Variants in NHSL1 observed in about 807,000 individuals in gnomAD.
The protein encoded by NHSL1 is NHS like 1, also known as NHS-like protein 1.
A neutral mutation model predicts 95.0 loss-of-function variants in NHSL1; 48 were observed. That is an observed-to-expected ratio of 0.51 (90% CI 0.40 to 0.64). NHSL1 has a LOEUF of 0.64. NHSL1 is among the 30% of genes least tolerant of loss of function. The pLI, the probability that NHSL1 is intolerant of heterozygous loss-of-function variation, is 0.00. For missense variants in NHSL1, 1,971 were observed against 2,077.7 expected, an observed-to-expected ratio of 0.95 and a Z score of 1.00; for synonymous variants, 783 against 833.9, an observed-to-expected ratio of 0.94 and a Z score of 1.05.
intron 2 of NHSL1, among the ~76,000 whole-genome samples, chr6:138,475,774 C>G (rs978274967): frequency 1.3e-5 from 2 of 151,558 alleles, no homozygotes; most frequent in African/African-American, 4.9e-5. Context: ...GGCAAAACCC[C>G]GTCTCTACTA....
chr6:138,549,458 G>A (rs1782922903), upstream of NHSL1, among the ~76,000 whole-genome samples: 1 of 152,130 alleles, frequency 6.6e-6, no homozygotes, highest in Admixed American at 6.5e-5. Flanking sequence ...CAGACTGGAG[G>A]GATGCTGTCA....
chr6:138,506,165 T>C (rs1224990398), intron 1 of NHSL1, among the ~76,000 whole-genome samples: 1 of 152,168 alleles, frequency 6.6e-6, no homozygotes, highest in African/African-American at 2.4e-5. Context: ...ATCTACTTAA[T>C]AAACATTCAT....
At chr6:138,681,004 AAG>A (rs1785504956) in intron 1 of NHSL1, among the ~76,000 whole-genome samples, 1 of 152,256 alleles carries the variant, frequency 6.6e-6, no homozygotes, top group Non-Finnish European at 1.5e-5. Flanking sequence ...TAAAAAAATT[AAG>A]AGTTAACAAT....
chr6:138,499,300 A>G lies in NHSL1; in HGVS notation c.-10T>C, dbSNP rs199536996. On this transcript the variant is annotated 5_prime_UTR_variant, in exon 1 of 8. Coordinates refer to ENST00000343505, the MANE Select transcript of NHSL1 (RefSeq NM_001144060.2). ...TAATGAAGACCACCATTTCCAGGGC[A>G]CCTACATAGAGCTTAGAAATGTAAA... 728 of 1,550,586 alleles carry G rather than the reference A, an allele frequency of 4.7e-4. 6 individuals carry two copies. Among genetic ancestry groups the G allele is most frequent in the Non-Finnish European group, 8.5e-5 (97 of 1,146,272 alleles).
chr6:138,449,447 C>T (rs1014947119), intron 3 of NHSL1, among the ~76,000 whole-genome samples: 5 of 152,018 alleles, frequency 3.3e-5, no homozygotes, highest in Admixed American at 1.3e-4. Flanking sequence ...GAGGCTGAGG[C>T]GGGCAGATCA....
At chr6:138,669,554 ACATTCCTAGCCACGAGTGGCCACCCTTCC>A (rs1785337918) in intron 1 of NHSL1, among the ~76,000 whole-genome samples, 1 of 152,202 alleles carries the variant, frequency 6.6e-6, no homozygotes, top group Admixed American at 6.5e-5. Flanking sequence ...TCTCCTGACC[ACATTCCTAGCCACGAGTGGCCACCCTTCC>A]CATCCTGGCA....
At position 138,510,598 on chromosome 6, in the gene NHSL1, A is replaced by C. The variant is rs1781175179; in HGVS notation, c.17-14227T>G. On this transcript the variant is annotated intron_variant, in intron 1 of 4. Coordinates refer to the NHSL1 transcript ENST00000342260. ...GAATTAATGGCAGAAGTGAGGCATA[A>C]GAGCAAAGAAGCTCAGCCTGACCTA... is the stretch of plus-strand genomic sequence containing the variant. 2.0e-5 allele frequency among the ~76,000 whole-genome samples: 3 copies of C among 152,244 alleles called. No homozygotes were observed. In the South Asian group the frequency reaches 6.2e-4, roughly 32 times the overall value.
At chr6:138,667,080 T>C (rs760412788) in intron 1 of NHSL1, among the ~76,000 whole-genome samples, 4 of 152,230 alleles carry the variant, frequency 2.6e-5, no homozygotes, top group Non-Finnish European at 5.9e-5. Flanking sequence ...AATGTCCAAT[T>C]GCATCTTTCC....
rs189638457 is a variant in NHSL1, at chr6:138,611,671, G to C, written c.96+80805C>G. ...TGAGGCAGGAGAATGGCGTGAACCC[G>C]GGAGGCGGAGCTTGCAGTGAGCTGA... is the stretch of plus-strand genomic sequence containing the variant. On this transcript the variant is annotated intron_variant, in intron 1 of 3. Coordinates refer to the NHSL1 transcript ENST00000491526. Among the ~76,000 whole-genome samples the C allele has an allele frequency of 9.8e-3, 1,495 of 152,032 alleles. 26 individuals are homozygous for C. Among genetic ancestry groups the C allele is most frequent in the African/African-American group, 0.033 (1,382 of 41,468 alleles).
intron 1 of NHSL1, among the ~76,000 whole-genome samples, chr6:138,690,648 G>C (rs1785653647): frequency 1.3e-5 from 2 of 152,174 alleles, no homozygotes; most frequent in Non-Finnish European, 2.9e-5. Context: ...GGCTGAGGCA[G>C]GAGGATTGCT....
At chr6:138,657,111 A>C (rs1249552039) in intron 1 of NHSL1, among the ~76,000 whole-genome samples, 1 of 147,720 alleles carries the variant, frequency 6.8e-6, no homozygotes, top group Non-Finnish European at 1.5e-5. Flanking sequence ...CACCTGCAAC[A>C]AAAAAAAAAC....
chr6:138,424,717 G>T lies in NHSL1; in HGVS notation c.4185C>A (p.Ser1395Arg). 6.4e-7 allele frequency: 1 copy of T among 1,551,638 alleles called. No homozygotes were observed. The highest frequency in any genetic ancestry group is 8.7e-7 in the Non-Finnish European group (1 of 1,146,978). The change falls in exon 8 of 8, where the codon AGC (serine) becomes AGA (arginine). Residue 1395 changes from serine (S) to arginine (R), a missense_variant. By Grantham distance (110) the Ser-to-Arg change is moderately radical (BLOSUM62 -1). Coordinates refer to ENST00000343505, the MANE Select transcript of NHSL1 (RefSeq NM_001144060.2). This position sits in a 1 kb window ranked among gnomAD's most constrained non-coding sequence, Gnocchi z 5.9. Reference sequence around the variant, plus strand: ...ACCCCACTTGCTTTGGAGAGGCCAGGCTTGGGGCAGCGCCGGTGGGTGTCA... The same window carrying T: ...ACCCCACTTGCTTTGGAGAGGCCAGTCTTGGGGCAGCGCCGGTGGGTGTCA... ...PPVTPTGAAP[S>R]LASPKQVGSI... is the part of the protein sequence containing the mutation.
chr6:138,531,235 T>C (rs1782119920), intron 1 of NHSL1, among the ~76,000 whole-genome samples: 1 of 152,240 alleles, frequency 6.6e-6, no homozygotes, highest in Admixed American at 6.5e-5. Flanking sequence ...TTTTCTTGAA[T>C]GGGTTCATAT....
chr6:138,525,895 G>A (rs1229939107), intron 1 of NHSL1, among the ~76,000 whole-genome samples: 3 of 151,534 alleles, frequency 2.0e-5, no homozygotes, highest in Admixed American at 6.6e-5. Context: ...TCAGGAGTTC[G>A]AGACCAGCCT....
chr6:138,524,618 G>A (rs1781824360), intron 1 of NHSL1, among the ~76,000 whole-genome samples: 1 of 151,986 alleles, frequency 6.6e-6, no homozygotes, highest in Non-Finnish European at 1.5e-5. Flanking sequence ...CCAGTTTGGG[G>A]CTTTTAGGAA....
intron 3 of NHSL1, among the ~76,000 whole-genome samples, chr6:138,455,388 G>A (rs1777515398): frequency 6.6e-6 from 1 of 152,170 alleles, no homozygotes; most frequent in Non-Finnish European, 1.5e-5. Flanking sequence ...GGCATAATGA[G>A]GAGGAATTGA....
chr6:138,483,481 T>C (rs758799774), intron 2 of NHSL1, among the ~76,000 whole-genome samples: 12 of 152,214 alleles, frequency 7.9e-5, no homozygotes, highest in Non-Finnish European at 1.2e-4. Context: ...ACTGTAGAAA[T>C]GTGTCTTACA....
intron 1 of NHSL1, among the ~76,000 whole-genome samples, chr6:138,551,800 T>C (rs1036141699): frequency 6.6e-6 from 1 of 152,152 alleles, no homozygotes; most frequent in Non-Finnish European, 1.5e-5. Flanking sequence ...GGCAGGGGAA[T>C]ATGGAACGCG....
chr6:138,531,415 GTTTGTAACT>G (rs1451490679), intron 1 of NHSL1, among the ~76,000 whole-genome samples: 1 of 152,084 alleles, frequency 6.6e-6, no homozygotes, highest in Non-Finnish European at 1.5e-5. Flanking sequence ...AGAACAGTTA[GTTTGTAACT>G]TTTGTAACTT....
Sources: allele counts gnomAD v4.1 joint callset (sites outside exome capture counted in the v4.1 genomes callset), GRCh38; gene constraint gnomAD v4.1.1; non-coding constraint Gnocchi (gnomAD v3.1); transcripts MANE v1.5; gene names NCBI Gene and HGNC (gene_info 2026-07-23, HGNC 2026-07-21).